PRIM2: variants seen among roughly 807,000 people sequenced by gnomAD.
PRIM2 encodes the protein DNA primase subunit 2, also known as DNA primase large subunit.
Under a neutral mutation model 67.3 loss-of-function variants are expected in PRIM2, and 39 were observed. The ratio of observed to expected loss-of-function variants is 0.58; its 90% CI spans 0.45 to 0.76. The LOEUF (loss-of-function observed/expected upper bound fraction) is 0.76. PRIM2 is among the 30% of genes least tolerant of loss of function. PRIM2 has a pLI of 0.00. For synonymous variants in PRIM2, 143 were observed against 198.7 expected, an observed-to-expected ratio of 0.72 and a Z score of 2.36; for missense variants, 398 against 598.7, an observed-to-expected ratio of 0.66 and a Z score of 3.50.
intron 7 of PRIM2, among the ~76,000 whole-genome samples, chr6:57,495,614 TA>T (rs1773987912): frequency 6.6e-6 from 1 of 152,236 alleles, no homozygotes; most frequent in Non-Finnish European, 1.5e-5. Flanking sequence ...TCTTGTTGAT[TA>T]CTTGCCCTTC....
At chr6:57,580,416 C>T (rs1776059764) in intron 10 of PRIM2, among the ~76,000 whole-genome samples, 1 of 152,048 alleles carries the variant, frequency 6.6e-6, no homozygotes, top group Non-Finnish European at 1.5e-5. Context: ...GAAATGCATA[C>T]AAATTTATTT....
Position 57,318,580 on chromosome 6 carries a change from G to C in PRIM2, c.135G>C (p.Leu45Phe). ...ENISLIEFEN[L>F]AIDRVKLLKS... The stretch of plus-strand genomic sequence containing the variant: ...TATCTTTAATAGAATTTGAAAACTT[G>C]GCTATTGATAGAGTTAAATGTAAGT... Residue 45 changes from leucine (L) to phenylalanine (F), a missense_variant, in exon 2 of 14, where the codon TTG becomes TTC. Physicochemically the swap from Leu to Phe is conservative, Grantham distance 22. Around this residue, in one of 4 missense-constraint regions of PRIM2, gnomAD observed 96 missense variants for 98.3 expected, o/e 0.98. Coordinates refer to ENST00000615550, the MANE Select transcript of PRIM2 (RefSeq NM_000947.5). The C allele has an allele frequency of 6.4e-7, 1 of 1,569,556 alleles. No individual in the cohort carries two copies. Among genetic ancestry groups the C allele is most frequent in the Non-Finnish European group, 8.7e-7 (1 of 1,155,742 alleles).
At chr6:57,281,231 G>A in the PRIM2 span, among the ~76,000 whole-genome samples, 4 of 152,072 alleles carry the variant, frequency 2.6e-5, no homozygotes, top group Non-Finnish European at 4.4e-5. Context: ...TCCATTCCCC[G>A]GCTATTGTGA....
intron 7 of PRIM2, among the ~76,000 whole-genome samples, chr6:57,480,668 C>T (rs1475537529): frequency 1.7e-3 from 252 of 152,226 alleles, no homozygotes; most frequent in Non-Finnish European, 3.0e-3. Context: ...CTCACTCTGT[C>T]GCCAGGCTGG....
rs542112277 is a variant in PRIM2, at chr6:57,325,052, C to T, written c.338+772C>T. 3.3e-5 allele frequency among the ~76,000 whole-genome samples: 5 copies of T among 151,992 alleles called. No homozygotes were observed. The South Asian group carries it at 1.0e-3, about 32-fold the overall frequency. Reference sequence around the variant, plus strand: ...GTAGGGTAATTATTTTATTATATAACGATAATGCCCATTAGTATCTGCCTT... The same window carrying T: ...GTAGGGTAATTATTTTATTATATAATGATAATGCCCATTAGTATCTGCCTT... On this transcript the variant is annotated intron_variant, in intron 4 of 13. Coordinates refer to ENST00000615550, the MANE Select transcript of PRIM2 (RefSeq NM_000947.5).
chr6:57,390,039 A>G (rs1014221528), intron 7 of PRIM2: 17 of 154,762 alleles, frequency 1.1e-4, no homozygotes, highest in African/African-American at 3.6e-4. Context: ...ACATGCTTTC[A>G]CTTCCACCAT....
chr6:57,643,266 C>T (rs1777277829), intron 13 of PRIM2, among the ~76,000 whole-genome samples: 1 of 152,248 alleles, frequency 6.6e-6, no homozygotes, highest in African/African-American at 2.4e-5. Flanking sequence ...AATAGTACAA[C>T]TATGTTTTTC....
intron 7 of PRIM2, among the ~76,000 whole-genome samples, chr6:57,423,577 T>C (rs1180858879): frequency 1.3e-5 from 2 of 152,150 alleles, no homozygotes; most frequent in Non-Finnish European, 2.9e-5. Flanking sequence ...AGCGAAATGT[T>C]AGTAGTTGCT....
At chr6:57,408,127 A>G (rs113969995) in intron 7 of PRIM2, among the ~76,000 whole-genome samples, 6,754 of 151,940 alleles carry the variant, frequency 0.044, 72 homozygotes, top group African/African-American at 0.1. Context: ...AAATGTGCCA[A>G]TCATTGTGAT....
At chr6:57,576,224 G>T (rs1775962999) in intron 10 of PRIM2, among the ~76,000 whole-genome samples, 1 of 152,002 alleles carries the variant, frequency 6.6e-6, no homozygotes, top group African/African-American at 2.4e-5. Context: ...ATAAATATGA[G>T]AAATTTGTTA....
chr6:57,261,661 C>T, the PRIM2 span, among the ~76,000 whole-genome samples: 1 of 152,182 alleles, frequency 6.6e-6, no homozygotes, highest in African/African-American at 2.4e-5. Context: ...GCCCCAGGCT[C>T]CCTTGATAGC....
chr6:57,317,015 C>A (rs1767501472), upstream of PRIM2, among the ~76,000 whole-genome samples: 1 of 152,236 alleles, frequency 6.6e-6, no homozygotes, highest in South Asian at 2.1e-4. Flanking sequence ...GTGGAACCTG[C>A]CAGTAGGGGC....
At chr6:57,510,882 A>G (rs1774350919) in intron 8 of PRIM2, among the ~76,000 whole-genome samples, 5 of 152,124 alleles carry the variant, frequency 3.3e-5, no homozygotes. Flanking sequence ...GAGAGATTTT[A>G]ATAATAATTT....
chr6:57,250,510 C>T, the PRIM2 span, among the ~76,000 whole-genome samples: 11 of 152,048 alleles, frequency 7.2e-5, no homozygotes, highest in South Asian at 2.1e-4. Flanking sequence ...AAAGAAAAAT[C>T]GGGGGGTATG....
the PRIM2 span, among the ~76,000 whole-genome samples, chr6:57,289,533 A>C: frequency 1.2e-4 from 18 of 152,256 alleles, no homozygotes; most frequent in African/African-American, 3.6e-4. Context: ...ATGAAGGAAA[A>C]AATGTTAAGG....
At chr6:57,472,053 A>G (rs1773347608) in intron 7 of PRIM2, among the ~76,000 whole-genome samples, 1 of 152,252 alleles carries the variant, frequency 6.6e-6, no homozygotes, top group African/African-American at 2.4e-5. Flanking sequence ...ACCTTCATTA[A>G]CTTGGAGTTA....
chr6:57,329,188 G>A (rs1032509812), intron 5 of PRIM2, among the ~76,000 whole-genome samples: 1 of 151,680 alleles, frequency 6.6e-6, no homozygotes, highest in African/African-American at 2.4e-5. Context: ...TGTGCTTTTG[G>A]TATTGAGTCT....
At chr6:57,351,006 G>A (rs1442307350) in intron 5 of PRIM2, among the ~76,000 whole-genome samples, 1 of 150,474 alleles carries the variant, frequency 6.6e-6, no homozygotes, top group Non-Finnish European at 1.5e-5. Flanking sequence ...ATTGTGGAAG[G>A]TTTTTGAGGA....
rs5876570 is a variant in PRIM2 at position 57,460,156 on chromosome 6, A to AT, written c.694-47217dup. On this transcript the variant is annotated intron_variant, in intron 7 of 13. Transcript: ENST00000615550. ...CGGTCTCCATACAGACCAGGGGTCT[A>AT]TTTTTTTTTTTTTTCAAACTTGAAA... Among the ~76,000 whole-genome samples the AT allele has an allele frequency of 2.2e-3, 294 of 134,784 alleles. 3 individuals carry two copies. Among genetic ancestry groups the AT allele is most frequent in the South Asian group, 8.2e-3 (35 of 4,248 alleles). 88.4% of individuals were successfully genotyped at this position (134,784 alleles called of 152,430 possible). A position where few individuals can be genotyped will look rare whatever the true frequency, so the allele number is the denominator to read the frequency against.
Sources: gnomAD v4.1 joint callset for allele counts (sites outside exome capture counted in the v4.1 genomes callset) on GRCh38, gnomAD v4.1.1 for gene constraint, gnomAD v4.1.1 regional missense constraint, MANE v1.5 for transcripts, NCBI Gene and HGNC (gene_info 2026-07-23, HGNC 2026-07-21) for gene names.